The following LGSN variants were observed in gnomAD, a reference collection of about 807,000 sequenced individuals.
LGSN encodes the protein lengsin, lens protein with glutamine synthetase domain, also known as lengsin.
Under a neutral mutation model 19.5 loss-of-function variants are expected in LGSN, and 21 were observed. The observed-to-expected ratio is 1.07, with a 90% CI of 0.76 to 1.55. The LOEUF (loss-of-function observed/expected upper bound fraction) is 1.55. LGSN is among the 40% of genes most tolerant of loss of function. LGSN has a pLI of 0.00. For missense variants in LGSN, 673 were observed against 608.5 expected, an observed-to-expected ratio of 1.11 and a Z score of -1.12; for synonymous variants, 257 against 215.6, an observed-to-expected ratio of 1.19 and a Z score of -1.68.
the LGSN span, among the ~76,000 whole-genome samples, chr6:63,398,466 TA>T: frequency 4.6e-5 from 7 of 151,968 alleles, no homozygotes; most frequent in East Asian, 1.3e-3. Context: ...AAAATACATG[TA>T]AAAATAGAAA....
At chr6:63,339,481 T>C in the LGSN span, among the ~76,000 whole-genome samples, 2 of 152,208 alleles carry the variant, frequency 1.3e-5, no homozygotes, top group South Asian at 4.1e-4. Context: ...TTGTCCGACA[T>C]AAGTATAGCT....
At chr6:63,510,596 G>T in the LGSN span, among the ~76,000 whole-genome samples, 1 of 150,136 alleles carries the variant, frequency 6.7e-6, no homozygotes, top group East Asian at 1.9e-4. Flanking sequence ...TATGTGCCAG[G>T]CACCATCTTC....
At chr6:63,448,437 G>A in the LGSN span, among the ~76,000 whole-genome samples, 1 of 151,822 alleles carries the variant, frequency 6.6e-6, no homozygotes, top group African/African-American at 2.4e-5. Flanking sequence ...GAGTCATAGG[G>A]ACAACTTTCT....
At chr6:63,417,218 C>A in the LGSN span, among the ~76,000 whole-genome samples, 1 of 152,174 alleles carries the variant, frequency 6.6e-6, no homozygotes, top group South Asian at 2.1e-4. Context: ...CTTCTTCCCC[C>A]CAGCTGCAGC....
chr6:63,567,890 C>A, the LGSN span, among the ~76,000 whole-genome samples: 1 of 152,226 alleles, frequency 6.6e-6, no homozygotes, highest in East Asian at 1.9e-4. Flanking sequence ...CTTCACCTTT[C>A]ATTTTTATGT....
the LGSN span, among the ~76,000 whole-genome samples, chr6:63,500,966 G>A: frequency 1.3e-5 from 2 of 151,588 alleles, no homozygotes; most frequent in Admixed American, 1.3e-4. Flanking sequence ...GACCCCAAGT[G>A]ATCTGGCCCG....
chr6:63,459,548 C>A, the LGSN span, among the ~76,000 whole-genome samples: 5 of 152,020 alleles, frequency 3.3e-5, no homozygotes, highest in African/African-American at 4.8e-5. Context: ...AGCCACCATA[C>A]CCACCCCCGC....
At chr6:63,298,848 T>A (rs867372226) in intron 1 of LGSN, among the ~76,000 whole-genome samples, 5 of 152,186 alleles carry the variant, frequency 3.3e-5, no homozygotes, top group Middle Eastern at 3.2e-3. Context: ...AGAACATTCT[T>A]AAAAATGTTA....
the LGSN span, among the ~76,000 whole-genome samples, chr6:63,360,843 G>A: frequency 2.0e-5 from 3 of 152,288 alleles, no homozygotes; most frequent in Non-Finnish European, 4.4e-5. Flanking sequence ...TGGTGTGGAT[G>A]TCCTTTCTGT....
chr6:63,538,348 C>A, the LGSN span, among the ~76,000 whole-genome samples: 1 of 152,152 alleles, frequency 6.6e-6, no homozygotes, highest in Non-Finnish European at 1.5e-5. Context: ...ACAGGGATTT[C>A]CATTCTTCAT....
the LGSN span, among the ~76,000 whole-genome samples, chr6:63,432,184 A>AAAGAAAGGGAAAG: frequency 7.5e-5 from 2 of 26,616 alleles, 1 homozygote; most frequent in Admixed American, 6.1e-4. Flanking sequence ...GGAAAGAAAG[A>AAAGAAAGGGAAAG]AAAGAAAAGA....
At chr6:63,399,173 C>T in the LGSN span, among the ~76,000 whole-genome samples, 1 of 151,982 alleles carries the variant, frequency 6.6e-6, no homozygotes, top group African/African-American at 2.4e-5. Flanking sequence ...TGCACAGATA[C>T]TTATCATTGT....
chr6:63,319,659 C>T (rs1582056357), intron 1 of LGSN, among the ~76,000 whole-genome samples: 1 of 152,082 alleles, frequency 6.6e-6, no homozygotes, highest in East Asian at 1.9e-4. Context: ...AACTCAGTGC[C>T]TATTGAACTT....
intron 3 of LGSN, 87 bp from the exon 4 acceptor site, chr6:63,281,307 A>ATC (rs1562003730): frequency 1.9e-5 from 3 of 158,222 alleles, no homozygotes; most frequent in African/African-American, 9.2e-5. Context: ...TAATGAAAAT[A>ATC]TATATATATA....
the LGSN span, among the ~76,000 whole-genome samples, chr6:63,520,112 G>A: frequency 6.6e-6 from 1 of 152,036 alleles, no homozygotes; most frequent in Non-Finnish European, 1.5e-5. Context: ...CTAACCACTG[G>A]ATCTCTTGCA....
rs1053147100 is a variant in LGSN at position 63,300,527 on chromosome 6, A to G, written c.31-5482T>C. 6.7e-4 allele frequency among the ~76,000 whole-genome samples: 102 copies of G among 151,996 alleles called. 1 individual carries two copies. The highest frequency in any genetic ancestry group is 7.9e-4 in the Non-Finnish European group (54 of 67,976). ...CAAAATATATAAAAATTAGCTAGGC[A>G]CGGTGGTGTGTGCCTGTAGTCCCAG... On this transcript the variant is annotated intron_variant, in intron 1 of 3. Transcript: ENST00000370657.
chr6:63,373,449 G>C, the LGSN span, among the ~76,000 whole-genome samples: 7 of 152,028 alleles, frequency 4.6e-5, no homozygotes, highest in African/African-American at 1.7e-4. Flanking sequence ...TTCCTTACCC[G>C]CTTCTCCTCC....
the LGSN span, chr6:63,572,612 G>T: frequency 2.4e-6 from 1 of 419,430 alleles, no homozygotes. Flanking sequence ...GCTCCGCCAC[G>T]ACCACCGCCG....
the LGSN span, among the ~76,000 whole-genome samples, chr6:63,476,516 A>G: frequency 6.6e-6 from 1 of 152,082 alleles, no homozygotes; most frequent in African/African-American, 2.4e-5. Context: ...TTGAAGGCTC[A>G]GCTGGACTGG....
Sources: allele counts gnomAD v4.1 joint callset (sites outside exome capture counted in the v4.1 genomes callset), GRCh38; gene constraint gnomAD v4.1.1; transcripts MANE v1.5; gene names NCBI Gene and HGNC (gene_info 2026-07-23, HGNC 2026-07-21).